PDE6B: variants seen among roughly 807,000 people sequenced by gnomAD.
PDE6B encodes phosphodiesterase 6B, also known as rod cGMP-specific 3',5'-cyclic phosphodiesterase subunit beta.
PDE6B carries 106 observed loss-of-function variants against 109.0 expected under a neutral mutation model. The observed-to-expected ratio is 0.97, with a 90% CI of 0.83 to 1.14. The LOEUF (loss-of-function observed/expected upper bound fraction) is 1.14, where lower values mean the gene tolerates loss of function less well. Among genes scored for constraint, PDE6B ranks in the 50% most tolerant of loss-of-function variants. PDE6B has a pLI of 0.00. For synonymous variants in PDE6B, 490 were observed against 471.3 expected, an observed-to-expected ratio of 1.04 and a Z score of -0.51; for missense variants, 1,193 against 1,155.6, an observed-to-expected ratio of 1.03 and a Z score of -0.47.
chr4:655,931 T>C lies in PDE6B; in HGVS notation c.993-9T>C. ...CGTGGCCTATCTGACCCCTGCTCTCTGCCCACAGCACACCCTCAGCCGATC... is the reference window on the plus strand; with the variant it reads ...CGTGGCCTATCTGACCCCTGCTCTCCGCCCACAGCACACCCTCAGCCGATC... On this transcript the variant is annotated splice_polypyrimidine_tract_variant and intron_variant, in intron 6 of 21. Coordinates refer to ENST00000496514, the MANE Select transcript of PDE6B (RefSeq NM_000283.4). 6.3e-7 allele frequency: 1 copy of C among 1,594,030 alleles called. No individual in the cohort carries two copies.
In PDE6B at chr4:653,460, G is replaced by C. The variant is rs887695224; in HGVS notation, c.712-392G>C. On this transcript the variant is annotated intron_variant, in intron 3 of 21. Transcript: ENST00000496514. ...AGACGCTTGGCGGAGGCCACAGGCGGCCTGACGTGCGGAAACCACGGCCCG... is the reference window on the plus strand; with the variant it reads ...AGACGCTTGGCGGAGGCCACAGGCGCCCTGACGTGCGGAAACCACGGCCCG... The C allele has an allele frequency of 2.2e-5, 14 of 640,524 alleles. No homozygotes were observed. The African/African-American group carries it at 2.3e-4, about 10-fold the overall frequency. 39.7% of individuals were successfully genotyped at this position (640,524 alleles called of 1,614,324 possible).
chr4:646,419 T>C (rs898425374), intron 3 of PDE6B, among the ~76,000 whole-genome samples: 2 of 151,900 alleles, frequency 1.3e-5, no homozygotes, highest in African/African-American at 2.4e-5. Context: ...GTCTGCAGTT[T>C]GAATATGACG....
Position 658,982 on chromosome 4 carries a change from G to C in PDE6B, c.1432G>C (p.Ala478Pro). 2 of 1,613,586 alleles carry C rather than the reference G, an allele frequency of 1.2e-6. No homozygotes were observed. The highest frequency in any genetic ancestry group is 1.7e-6 in the Non-Finnish European group (2 of 1,179,794). The change falls in exon 11 of 22, where the codon GCT becomes CCT. Residue 478 changes from alanine to proline, a missense_variant. By Grantham distance (27) the Ala-to-Pro change is conservative. Coordinates refer to ENST00000496514, the MANE Select transcript of PDE6B (RefSeq NM_000283.4). ...CAGAGCGCGCCTGGGGAAGGAGCCTGCTGACTGCGATGAGGACGAGCTGGG... is the reference window on the plus strand; with the variant it reads ...CAGAGCGCGCCTGGGGAAGGAGCCTCCTGACTGCGATGAGGACGAGCTGGG... ...PTRARLGKEP[A>P]DCDEDELGEI...
In PDE6B at chr4:656,936, C is replaced by G; in HGVS notation, c.1170C>G (p.Asn390Lys). ...ATGTGCTGTCCATGCCCATCGTCAA[C>G]AAGAAGGAGGAGATTGTGGGAGTCG... is the stretch of plus-strand genomic sequence containing the variant. ...IKNVLSMPIVNKKEEIVGVAT... is the reference protein window; with the variant it reads ...IKNVLSMPIVKKKEEIVGVAT... Residue 390 changes from asparagine (N) to lysine (K), a missense_variant, in exon 9 of 22, where the codon AAC becomes AAG. Physicochemically the swap from Asn to Lys is moderately conservative, Grantham distance 94. Transcript: ENST00000496514. The G allele has an allele frequency of 6.2e-7, 1 of 1,613,052 alleles. No individual in the cohort carries two copies. The highest frequency in any genetic ancestry group is 8.5e-7 in the Non-Finnish European group (1 of 1,179,812).
At position 663,287 on chromosome 4, in the gene PDE6B, GGTGAGCACTGGGTGT is replaced by G. The variant is rs1737344865; in HGVS notation, c.1920+113_1920+127del. ...TGCGGAGCAGGGTTCTGATGCAGCG[GGTGAGCACTGGGTGT>G]GTGAGCACTGGGGGAGGGCGGCAGA... On this transcript the variant is annotated intron_variant, in intron 15 of 21. Transcript: ENST00000496514. The surrounding 1 kb of genome is among the most constrained non-coding windows in gnomAD (Gnocchi z 4.0). 5.2e-6 allele frequency: 4 copies of G among 771,374 alleles called. No homozygotes were observed. The highest frequency in any genetic ancestry group is 1.4e-5 in the South Asian group (1 of 72,212). The allele number at this position is 771,374 out of a possible 1,614,324, so 47.8% of individuals were successfully genotyped here. A position where few individuals can be genotyped will look rare whatever the true frequency, so the allele number is the denominator to read the frequency against.
intron 2 of PDE6B, 98 bp downstream of exon 2, chr4:634,927 G>T (rs1278095803): frequency 7.1e-6 from 7 of 992,448 alleles, no homozygotes; most frequent in Non-Finnish European, 1.1e-5. Context: ...TTACCTGCCT[G>T]CCCGCCTGCC....
Position 655,959 on chromosome 4 carries a change from T to G in PDE6B, c.1012T>G (p.Trp338Gly), listed in dbSNP as rs759285354. The G allele has an allele frequency of 2.5e-6, 4 of 1,611,010 alleles. No individual in the cohort carries two copies. In the South Asian group the frequency reaches 4.4e-5, roughly 18 times the overall value. Residue 338 changes from tryptophan to glycine, a missense_variant, in exon 7 of 22, where the codon TGG (tryptophan) becomes GGG (glycine). Trp to Gly is a radical substitution (Grantham distance 184). Transcript: ENST00000496514. The stretch of plus-strand genomic sequence containing the variant: ...CCACAGCACACCCTCAGCCGATCAC[T>G]GGGCCCTGGCCAGCGGCCTTCCAAG... ...KVIPTPSADH[W>G]ALASGLPSYV... is the part of the protein sequence containing the mutation.
chr4:657,274 C>T (rs1458643529), intron 9 of PDE6B, 77 bp from the exon 10 acceptor site: 18 of 1,549,736 alleles, frequency 1.2e-5, no homozygotes, highest in African/African-American at 4.1e-5. Flanking sequence ...CGCCGAGCCA[C>T]GGGGCCTGGC....
chr4:627,527 T>G (rs1470057079), intron 1 of PDE6B, among the ~76,000 whole-genome samples: 2 of 152,082 alleles, frequency 1.3e-5, no homozygotes, highest in Non-Finnish European at 2.9e-5. Context: ...CGGGTTACCT[T>G]CATCTCCACC....
chr4:635,316 T>C (rs1734614973), intron 2 of PDE6B, among the ~76,000 whole-genome samples: 1 of 127,704 alleles, frequency 7.8e-6, no homozygotes, highest in Admixed American at 7.8e-5. Flanking sequence ...TGCCCGCGTG[T>C]TCTGTGCTGT....
Position 635,964 on chromosome 4 carries a change from G to C in PDE6B, c.706G>C (p.Gly236Arg), listed in dbSNP as rs75543439. Residue 236 changes from glycine to arginine, a missense_variant, in exon 3 of 22, where the codon GGC becomes CGC. Coordinates refer to ENST00000496514, the MANE Select transcript of PDE6B (RefSeq NM_000283.4). ...CCTCCACAACTGCGAGACGCGCCGC[G>C]GCCAGGTACCCACACGCTGAGCACA... ...SYLHNCETRRGQVLLWSANKV... is the reference protein window; with the variant it reads ...SYLHNCETRRRQVLLWSANKV... 1 of 1,593,762 alleles carries C rather than the reference G, an allele frequency of 6.3e-7. No homozygotes were observed. The highest frequency in any genetic ancestry group is 8.6e-7 in the Non-Finnish European group (1 of 1,161,590).
chr4:669,831 T>C (rs1327196470), intron 21 of PDE6B, among the ~76,000 whole-genome samples: 1 of 152,030 alleles, frequency 6.6e-6, no homozygotes, highest in Non-Finnish European at 1.5e-5. Flanking sequence ...TTCAGGACTA[T>C]GGAAGGCCAG....
At chr4:653,596 C>G in intron 3 of PDE6B, 1 of 584,272 alleles carries the variant, frequency 1.7e-6, no homozygotes, top group Non-Finnish European at 3.1e-6. Flanking sequence ...ACTTTCCACT[C>G]GTCCACTCCT....
chr4:640,606 A>C (rs1734903133), intron 3 of PDE6B, among the ~76,000 whole-genome samples: 1 of 151,888 alleles, frequency 6.6e-6, no homozygotes, highest in Non-Finnish European at 1.5e-5. Flanking sequence ...GTATCTAAAA[A>C]CTCATCACTA....
chr4:627,150 G>GT (rs553192612), intron 1 of PDE6B, among the ~76,000 whole-genome samples: 7,407 of 143,136 alleles, frequency 0.052, 210 homozygotes, highest in Non-Finnish European at 0.07. Context: ...TCGTTTGTGG[G>GT]TTTTTTTTTT....
chr4:658,330 G>A (rs1736619003), intron 10 of PDE6B, among the ~76,000 whole-genome samples: 2 of 148,282 alleles, frequency 1.3e-5, no homozygotes, highest in South Asian at 4.4e-4. Flanking sequence ...GTCACCCAAG[G>A]GTCATGGCTG....
At chr4:651,064 C>T (rs1560114107) in intron 3 of PDE6B, among the ~76,000 whole-genome samples, 1 of 151,256 alleles carries the variant, frequency 6.6e-6, no homozygotes, top group African/African-American at 2.4e-5. Flanking sequence ...GCTGAGGCGG[C>T]GATGTCAACG....
chr4:663,189 T>C lies in PDE6B; in HGVS notation c.1920+2T>C, dbSNP rs763996159. On this transcript the variant is annotated splice_donor_variant, in intron 15 of 21. Transcript: ENST00000496514. LOFTEE classifies it high-confidence loss of function. This position sits in a 1 kb window ranked among gnomAD's most constrained non-coding sequence, Gnocchi z 4.0. The stretch of plus-strand genomic sequence containing the variant: ...GGGAAGTTCCTGCTCTCGGAGGAGG[T>C]TGGTATACTCACCCTCGGTTTCTGC... The C allele has an allele frequency of 3.2e-6, 5 of 1,546,778 alleles. No homozygotes were observed. Among genetic ancestry groups the C allele is most frequent in the Non-Finnish European group, 4.5e-6 (5 of 1,118,950 alleles).
In PDE6B at chr4:656,948, GATTGTGGGAGTCGCCAC is replaced by G; in HGVS notation, c.1186_1202del (p.Val396LeufsTer10). 6.2e-7 allele frequency: 1 copy of G among 1,613,168 alleles called. No individual in the cohort carries two copies. Among genetic ancestry groups the G allele is most frequent in the Non-Finnish European group, 8.5e-7 (1 of 1,179,834 alleles). ...TGCCCATCGTCAACAAGAAGGAGGA[GATTGTGGGAGTCGCCAC>G]ATTTTACAACAGGAAAGACGGGAAG... is the stretch of plus-strand genomic sequence containing the variant. On this transcript the variant is annotated frameshift_variant, in exon 9 of 22. Transcript: ENST00000496514. LOFTEE classifies it high-confidence loss of function.
Sources: gnomAD v4.1 joint callset for allele counts (sites outside exome capture counted in the v4.1 genomes callset) on GRCh38, gnomAD v4.1.1 for gene constraint, Gnocchi (gnomAD v3.1) non-coding constraint, MANE v1.5 for transcripts, NCBI Gene and HGNC (gene_info 2026-07-23, HGNC 2026-07-21) for gene names.